Variants in BABAM2 observed in about 807,000 individuals in gnomAD.
The protein encoded by BABAM2 is BRISC and BRCA1-A complex member 2.
A neutral mutation model predicts 54.7 loss-of-function variants in BABAM2; 31 were observed. The ratio of observed to expected loss-of-function variants is 0.57; its 90% CI spans 0.43 to 0.77. BABAM2 has a LOEUF of 0.77. BABAM2 is among the 30% of genes least tolerant of loss of function. The pLI is 0.00. For synonymous variants in BABAM2, 167 were observed against 162.9 expected (o/e 1.03, Z -0.19); for missense variants, 364 against 455.8 (o/e 0.80, Z 1.83).
At chr2:28,104,407 A>G (rs1430294756) in intron 6 of BABAM2, among the ~76,000 whole-genome samples, 1 of 152,272 alleles carries the variant, frequency 6.6e-6, no homozygotes, top group African/African-American at 2.4e-5. Context: ...TCAAAAGAAG[A>G]CATTTATGCA....
intron 11 of BABAM2, among the ~76,000 whole-genome samples, chr2:28,302,641 A>C (rs1005545306): frequency 2.0e-5 from 3 of 152,172 alleles, no homozygotes; most frequent in African/African-American, 4.8e-5. Flanking sequence ...ATATGTGATT[A>C]ACTTTATGAG....
chr2:28,112,159 C>CT (rs1668143895), intron 6 of BABAM2, among the ~76,000 whole-genome samples: 1 of 7,822 alleles, frequency 1.3e-4, no homozygotes, highest in Non-Finnish European at 2.9e-4. Context: ...ACCTCCCTCC[C>CT]TCCCTCCCTC....
intron 6 of BABAM2, among the ~76,000 whole-genome samples, chr2:28,080,586 A>G (rs1665076508): frequency 6.6e-6 from 1 of 152,208 alleles, no homozygotes; most frequent in Non-Finnish European, 1.5e-5. Flanking sequence ...GTTGAACAAC[A>G]TGTAAATAAA....
At chr2:28,042,076 A>C (rs1573457323) in intron 5 of BABAM2, among the ~76,000 whole-genome samples, 2 of 152,204 alleles carry the variant, frequency 1.3e-5, no homozygotes, top group Non-Finnish European at 2.9e-5. Flanking sequence ...TTTTGCCGCC[A>C]CTTTGAATGT....
intron 7 of BABAM2, among the ~76,000 whole-genome samples, chr2:28,150,695 G>A (rs916141904): frequency 3.3e-5 from 5 of 152,192 alleles, no homozygotes; most frequent in African/African-American, 9.6e-5. Flanking sequence ...AGGGAAGAGC[G>A]CCAGCCAGTG....
intron 2 of BABAM2, among the ~76,000 whole-genome samples, chr2:27,904,850 G>A (rs929530561): frequency 1.5e-4 from 23 of 152,060 alleles, no homozygotes. Flanking sequence ...GATGCTAGTG[G>A]AATATATGCT....
intron 7 of BABAM2, among the ~76,000 whole-genome samples, chr2:28,153,499 T>G (rs932200605): frequency 6.6e-6 from 1 of 152,244 alleles, no homozygotes; most frequent in African/African-American, 2.4e-5. Context: ...TGCTGCTTTA[T>G]AGAAACTGTG....
intron 7 of BABAM2, among the ~76,000 whole-genome samples, chr2:28,191,492 A>G (rs1176426157): frequency 1.3e-5 from 2 of 152,214 alleles, no homozygotes; most frequent in Middle Eastern, 3.2e-3. Flanking sequence ...AACAACCCAA[A>G]TGTCCATCAA....
At chr2:28,241,864 C>CTT (rs35913780) in intron 9 of BABAM2, among the ~76,000 whole-genome samples, 65 of 110,420 alleles carry the variant, frequency 5.9e-4, no homozygotes, top group African/African-American at 2.0e-3. Context: ...CCCAGGATCC[C>CTT]TTTTTTTTTT....
chr2:28,126,526 C>G (rs1383627143), intron 6 of BABAM2, among the ~76,000 whole-genome samples: 1 of 143,800 alleles, frequency 7.0e-6, no homozygotes, highest in Non-Finnish European at 1.5e-5. Context: ...GCCACATTTT[C>G]TTAATCCAGT....
intron 10 of BABAM2, among the ~76,000 whole-genome samples, chr2:28,260,355 G>T (rs1214884091): frequency 2.1e-5 from 3 of 140,190 alleles, no homozygotes; most frequent in African/African-American, 8.1e-5. Context: ...AGGTTGGAGT[G>T]CAGTGGCACA....
intron 1 of BABAM2, among the ~76,000 whole-genome samples, chr2:27,892,996 C>T (rs1205824860): frequency 6.6e-6 from 1 of 152,102 alleles, no homozygotes; most frequent in African/African-American, 2.4e-5. Context: ...AAATTTATTA[C>T]TTACTATCTG....
intron 2 of BABAM2, among the ~76,000 whole-genome samples, chr2:27,922,681 A>G (rs1667421259): frequency 6.6e-6 from 1 of 152,156 alleles, no homozygotes; most frequent in South Asian, 2.1e-4. Flanking sequence ...TCCTTTCTGT[A>G]CTCTAACACC....
chr2:28,209,086 A>C (rs997179403), intron 7 of BABAM2, among the ~76,000 whole-genome samples: 1 of 152,150 alleles, frequency 6.6e-6, no homozygotes, highest in African/African-American at 2.4e-5. Context: ...TATTTGCAAC[A>C]ATACAACTTT....
chr2:27,889,931 T>TG, upstream of BABAM2: 1 of 274,096 alleles, frequency 3.6e-6, no homozygotes, highest in Admixed American at 5.3e-5. Context: ...CTGGCTCGTT[T>TG]GGGGAAAGGC....
intron 7 of BABAM2, among the ~76,000 whole-genome samples, chr2:28,144,517 A>G (rs982211452): frequency 6.6e-6 from 1 of 152,198 alleles, no homozygotes; most frequent in African/African-American, 2.4e-5. Context: ...CTACCCCCAG[A>G]TAATCTTGCA....
rs752979201 is a variant in BABAM2, at chr2:28,025,357, A to G, written c.432A>G (p.Thr144=). The G allele has an allele frequency of 1.9e-6, 3 of 1,610,382 alleles. No homozygotes were observed. Among genetic ancestry groups the G allele is most frequent in the African/African-American group, 1.3e-5 (1 of 74,738 alleles). Reference sequence around the variant, plus strand: ...CCCGCCTCATGTTTGAATACCAGACATTACTGGAGGAGCCACAGTATGGAG... The same window carrying G: ...CCCGCCTCATGTTTGAATACCAGACGTTACTGGAGGAGCCACAGTATGGAG... The part of the protein sequence containing the change: ...ESSRLMFEYQ[T]LLEEPQYGEN... Residue 144 remains threonine, a synonymous_variant, in exon 5 of 12, where the codon ACA becomes ACG. Transcript: ENST00000379624.
chr2:28,237,176 T>A (rs1558461309), intron 7 of BABAM2, 26 bp from the exon 8 acceptor site: 1 of 1,586,024 alleles, frequency 6.3e-7, no homozygotes, highest in Non-Finnish European at 8.7e-7. Flanking sequence ...CTAAGAGAAG[T>A]GTCCATTGTA....
In BABAM2 at chr2:28,276,060, T is replaced by TTTTTACC. The variant is rs557781198; in HGVS notation, c.935-22275_935-22269dup. Among the ~76,000 whole-genome samples, 492 of 151,930 alleles carry TTTTTACC rather than the reference T, an allele frequency of 3.2e-3. 4 individuals are homozygous for TTTTTACC. Among genetic ancestry groups the TTTTTACC allele is most frequent in the African/African-American group, 0.012 (478 of 41,408 alleles). ...AAATGGGACTAATATGACAACAAGA[T>TTTTTACC]TTTTACCTTCACAGTAAATAGTACA... On this transcript the variant is annotated intron_variant, in intron 10 of 11. Transcript: ENST00000379624.
Sources: allele counts gnomAD v4.1 joint callset (sites outside exome capture counted in the v4.1 genomes callset), GRCh38; gene constraint gnomAD v4.1.1; transcripts MANE v1.5; gene names NCBI Gene and HGNC (gene_info 2026-07-23, HGNC 2026-07-21).